The following PRR16 variants were observed in gnomAD, a reference collection of about 807,000 sequenced individuals.
PRR16 encodes the protein proline rich 16.
Under a neutral mutation model 18.2 loss-of-function variants are expected in PRR16, and 6 were observed. The ratio of observed to expected loss-of-function variants is 0.33; its 90% CI spans 0.18 to 0.65. The LOEUF is 0.65. PRR16 is among the 30% of genes least tolerant of loss of function. The pLI, the probability that PRR16 is intolerant of heterozygous loss-of-function variation, is 0.74. For synonymous variants in PRR16, 151 were observed against 147.8 expected (o/e 1.02, Z -0.16); for missense variants, 412 against 376.6 (o/e 1.09, Z -0.78).
intron 1 of PRR16, among the ~76,000 whole-genome samples, chr5:120,606,935 T>G (rs1409784279): frequency 6.6e-6 from 1 of 152,102 alleles, no homozygotes; most frequent in African/African-American, 2.4e-5. Context: ...GCCATACTGT[T>G]TCCCTTACCT....
intron 1 of PRR16, among the ~76,000 whole-genome samples, chr5:120,504,228 C>A (rs951757113): frequency 6.6e-6 from 1 of 152,126 alleles, no homozygotes; most frequent in Non-Finnish European, 1.5e-5. Context: ...CTTCCCTCTG[C>A]CCTGACCTTG....
chr5:120,752,434 A>G, the PRR16 span, among the ~76,000 whole-genome samples: 1 of 151,992 alleles, frequency 6.6e-6, no homozygotes, highest in East Asian at 1.9e-4. Context: ...GTGAGGAGGG[A>G]CAGTAAGGGG....
chr5:120,478,025 C>T (rs7715114), intron 1 of PRR16, among the ~76,000 whole-genome samples: 55 of 152,236 alleles, frequency 3.6e-4, no homozygotes, highest in African/African-American at 1.2e-3. Context: ...ATTTATTTCT[C>T]ATATTTATTA....
At chr5:120,581,273 TATCC>T (rs1753263139) in intron 1 of PRR16, among the ~76,000 whole-genome samples, 1 of 152,242 alleles carries the variant, frequency 6.6e-6, no homozygotes, top group Non-Finnish European at 1.5e-5. Context: ...TCCAGGAATT[TATCC>T]ATTTCTTCTA....
chr5:120,688,405 CAAGA>C (rs1411051539), downstream of PRR16, among the ~76,000 whole-genome samples: 7 of 152,048 alleles, frequency 4.6e-5, no homozygotes, highest in Non-Finnish European at 1.0e-4. Flanking sequence ...GATCCATAAT[CAAGA>C]AAGACCATAA....
chr5:120,631,154 TTA>T (rs1293946754), intron 1 of PRR16, among the ~76,000 whole-genome samples: 2 of 152,160 alleles, frequency 1.3e-5, no homozygotes, highest in Non-Finnish European at 2.9e-5. Context: ...ATCCTTATCA[TTA>T]TATATCATGA....
chr5:120,589,483 T>C (rs1753560025), intron 1 of PRR16, among the ~76,000 whole-genome samples: 1 of 152,062 alleles, frequency 6.6e-6, no homozygotes, highest in Non-Finnish European at 1.5e-5. Flanking sequence ...TATAAGGCTG[T>C]AGATTTAGGG....
intron 1 of PRR16, among the ~76,000 whole-genome samples, chr5:120,673,825 C>A (rs1053848231): frequency 2.6e-5 from 4 of 151,872 alleles, no homozygotes; most frequent in African/African-American, 7.3e-5. Context: ...CATGGTGGCA[C>A]ATGCCTGTAA....
chr5:120,761,215 TC>T, the PRR16 span, among the ~76,000 whole-genome samples: 1 of 152,160 alleles, frequency 6.6e-6, no homozygotes, highest in Non-Finnish European at 1.5e-5. Flanking sequence ...TCCCTCCATA[TC>T]TTCTGTATTT....
intron 1 of PRR16, among the ~76,000 whole-genome samples, chr5:120,525,058 G>A (rs1282571500): frequency 6.6e-6 from 1 of 151,966 alleles, no homozygotes; most frequent in African/African-American, 2.4e-5. Context: ...TATTTGCCAT[G>A]ATAACCTCTA....
intron 1 of PRR16, among the ~76,000 whole-genome samples, chr5:120,590,965 C>G (rs187898129): frequency 6.6e-6 from 1 of 152,108 alleles, no homozygotes; most frequent in African/African-American, 2.4e-5. Flanking sequence ...CTATTCCAAA[C>G]TGTTCTAATT....
chr5:120,604,951 C>G (rs1014369056), intron 1 of PRR16, among the ~76,000 whole-genome samples: 1 of 152,104 alleles, frequency 6.6e-6, no homozygotes, highest in Non-Finnish European at 1.5e-5. Context: ...CCTTCTCTGT[C>G]GCTGCCTTTA....
At chr5:120,683,041 A>T (rs1251351572) in intron 1 of PRR16, among the ~76,000 whole-genome samples, 1 of 152,162 alleles carries the variant, frequency 6.6e-6, no homozygotes, top group Non-Finnish European at 1.5e-5. Context: ...GTTTGTGCAA[A>T]CATTCTGTGG....
intron 1 of PRR16, among the ~76,000 whole-genome samples, chr5:120,524,839 T>G (rs1299605056): frequency 6.6e-6 from 1 of 152,022 alleles, no homozygotes; most frequent in Non-Finnish European, 1.5e-5. Context: ...TTTTTAAAAT[T>G]AAAAAAGCAA....
chr5:120,604,931 A>G (rs890738397), intron 1 of PRR16, among the ~76,000 whole-genome samples: 7 of 152,270 alleles, frequency 4.6e-5, no homozygotes, highest in African/African-American at 1.7e-4. Context: ...ACCTTTGTAT[A>G]TAACCTGTCC....
chr5:120,501,816 C>T lies in PRR16; in HGVS notation c.159+37171C>T, dbSNP rs1183843629. On this transcript the variant is annotated intron_variant, in intron 1 of 1. Transcript: ENST00000407149. ...CTAAAAATACAAAAAATTAGCCGGG[C>T]GTGGTGGCGGGTGCCTGTAGTCCCA... is the stretch of plus-strand genomic sequence containing the variant. Among the ~76,000 whole-genome samples, 4 of 151,510 alleles carry T rather than the reference C, an allele frequency of 2.6e-5. No individual in the cohort carries two copies. In the East Asian group the frequency reaches 7.8e-4, roughly 29 times the overall value.
At chr5:120,617,284 T>G in intron 1 of PRR16, 3 of 553,476 alleles carry the variant, frequency 5.4e-6, no homozygotes, top group Non-Finnish European at 6.9e-6. Context: ...TCATTTGTAA[T>G]TCAAAATATA....
chr5:120,684,431 G>A (rs1207386298), intron 1 of PRR16, among the ~76,000 whole-genome samples: 2 of 152,140 alleles, frequency 1.3e-5, no homozygotes, highest in African/African-American at 2.4e-5. Context: ...GTGACAAAGA[G>A]CCAACTTCAC....
intron 1 of PRR16, among the ~76,000 whole-genome samples, chr5:120,670,821 C>T (rs186230399): frequency 3.2e-4 from 48 of 152,190 alleles, no homozygotes; most frequent in African/African-American, 5.1e-4. Context: ...TTTTCACTAA[C>T]GCAAAAATAA....
Sources: allele counts gnomAD v4.1 joint callset (sites outside exome capture counted in the v4.1 genomes callset), GRCh38; gene constraint gnomAD v4.1.1; transcripts MANE v1.5; gene names NCBI Gene and HGNC (gene_info 2026-07-23, HGNC 2026-07-21).